The following PTCHD1 variants were observed in gnomAD, a reference collection of about 807,000 sequenced individuals.
PTCHD1 encodes patched domain-containing protein 1.
PTCHD1 carries 3 observed loss-of-function variants against 34.6 expected under a neutral mutation model. That is an observed-to-expected ratio of 0.09 (90% CI 0.04 to 0.22). The LOEUF is 0.22. Among genes scored for constraint, PTCHD1 ranks in the 10% least tolerant of loss-of-function variants. The probability of loss-of-function intolerance (pLI) is 1.00; values close to 1 mark genes in which losing one functional copy is unlikely to be tolerated. For synonymous variants in PTCHD1, 305 were observed against 283.1 expected (o/e 1.08, Z -0.77); for missense variants, 504 against 685.5 (o/e 0.74, Z 2.96).
intron 1 of PTCHD1, among the ~76,000 whole-genome samples, chrX:23,365,392 T>C (rs959843575): frequency 3.9e-4 from 43 of 111,365 alleles, no homozygotes; most frequent in Non-Finnish European, 6.8e-4. Flanking sequence ...ATGAGAATTA[T>C]TGGACATTTT....
intron 2 of PTCHD1, among the ~76,000 whole-genome samples, chrX:23,389,042 A>C (rs1349222458): frequency 8.9e-6 from 1 of 111,765 alleles, no homozygotes; most frequent in East Asian, 2.8e-4. Context: ...AAATTCTCCT[A>C]CCTGCCATTT....
In PTCHD1 at chrX:23,402,678, C is replaced by A. The variant is rs1311424182; in HGVS notation, c.*8493C>A. 1 of 112,149 alleles carries A rather than the reference C, an allele frequency of 8.9e-6. No homozygotes were observed. The highest frequency in any genetic ancestry group is 3.2e-5 in the African/African-American group (1 of 30,884). The allele number at this position is 112,149 out of a possible 1,213,427, so 9.2% of individuals were successfully genotyped here. On this transcript the variant is annotated 3_prime_UTR_variant, in exon 3 of 3. Transcript: ENST00000379361. ...ACCACCCACTATTTGTTGTGGTTTACAATCCAGCTTAGAACCCTTGAGCAA... is the reference window on the plus strand; with the variant it reads ...ACCACCCACTATTTGTTGTGGTTTAAAATCCAGCTTAGAACCCTTGAGCAA...
At chrX:23,343,557 C>T (rs752957744) in intron 1 of PTCHD1, among the ~76,000 whole-genome samples, 12 of 112,353 alleles carry the variant, frequency 1.1e-4, no homozygotes, top group Admixed American at 1.9e-4. Flanking sequence ...TTTTCCTGAC[C>T]ATAGCACCAG....
At chrX:23,357,946 A>G (rs1378598250) in intron 1 of PTCHD1, among the ~76,000 whole-genome samples, 3 of 111,184 alleles carry the variant, frequency 2.7e-5, no homozygotes, top group Non-Finnish European at 5.7e-5. Flanking sequence ...TGCTGAGAGT[A>G]ATGGTTTCCA....
chrX:23,359,196 T>C (rs1193479136), intron 1 of PTCHD1, among the ~76,000 whole-genome samples: 2 of 112,478 alleles, frequency 1.8e-5, no homozygotes, highest in Non-Finnish European at 3.8e-5. Flanking sequence ...AAGTCATTGG[T>C]AGCTTGATGG....
chrX:23,340,446 C>T (rs1921275184), intron 1 of PTCHD1, among the ~76,000 whole-genome samples: 1 of 111,955 alleles, frequency 8.9e-6, no homozygotes, highest in South Asian at 3.7e-4. Context: ...TTGACACTGG[C>T]CTTTGAGACT....
chrX:23,376,980 A>G (rs190992784), intron 1 of PTCHD1, among the ~76,000 whole-genome samples: 2 of 111,949 alleles, frequency 1.8e-5, no homozygotes, highest in African/African-American at 6.5e-5. Context: ...GCGGGTTAAC[A>G]TGGTGTCTGT....
At chrX:23,335,362 G>T in intron 1 of PTCHD1, 136 bp downstream of exon 1, 1 of 526,364 alleles carries the variant, frequency 1.9e-6, no homozygotes, top group Non-Finnish European at 3.1e-6. Context: ...TGCACCGCGC[G>T]CCCCAGGGCG....
At chrX:23,364,209 G>C (rs2146629035) in intron 1 of PTCHD1, among the ~76,000 whole-genome samples, 2 of 110,859 alleles carry the variant, frequency 1.8e-5, no homozygotes, top group East Asian at 5.7e-4. Context: ...TGGGGTTATT[G>C]ACTGGGAAAG....
chrX:23,386,949 G>A (rs752377673), intron 2 of PTCHD1, among the ~76,000 whole-genome samples: 67 of 112,326 alleles, frequency 6.0e-4, no homozygotes, highest in African/African-American at 1.9e-3. Flanking sequence ...CTGCTAGTGT[G>A]GAGAGGTTTA....
intron 1 of PTCHD1, among the ~76,000 whole-genome samples, chrX:23,366,442 C>T (rs1248275467): frequency 1.8e-5 from 2 of 112,040 alleles, no homozygotes; most frequent in East Asian, 5.6e-4. Context: ...GTTTTCCTAC[C>T]AGCCTGAATT....
chrX:23,341,421 G>C (rs1255407232), intron 1 of PTCHD1, among the ~76,000 whole-genome samples: 1 of 112,668 alleles, frequency 8.9e-6, no homozygotes, highest in Non-Finnish European at 1.9e-5. Flanking sequence ...ACAAAAGCCA[G>C]GGAAATGTGA....
chrX:23,375,712 A>G (rs1922398517), intron 1 of PTCHD1, among the ~76,000 whole-genome samples: 1 of 111,981 alleles, frequency 8.9e-6, no homozygotes. Flanking sequence ...GGCTCATCTC[A>G]GGTAAGTGAT....
At chrX:23,349,435 A>G (rs188472676) in intron 1 of PTCHD1, among the ~76,000 whole-genome samples, 1 of 112,063 alleles carries the variant, frequency 8.9e-6, no homozygotes, top group African/African-American at 3.2e-5. Context: ...TTTAAATATA[A>G]AGAGTCATAC....
At chrX:23,358,181 A>G (rs1921862412) in intron 1 of PTCHD1, among the ~76,000 whole-genome samples, 1 of 111,865 alleles carries the variant, frequency 8.9e-6, no homozygotes, top group South Asian at 3.8e-4. Flanking sequence ...CCCAGGAATG[A>G]GATCGCTGGA....
rs1020946137 is a variant in PTCHD1, at chrX:23,397,923, T to A, written c.*3738T>A. ...ATCCTATTAAAGTACCCCTGTAGCT[T>A]ATAGTAGTGTTTGACCTCTGTGACT... On this transcript the variant is annotated 3_prime_UTR_variant, in exon 3 of 3. Coordinates refer to ENST00000379361, the MANE Select transcript of PTCHD1 (RefSeq NM_173495.3). 1 of 111,904 alleles carries A rather than the reference T, an allele frequency of 8.9e-6. No individual in the cohort carries two copies. Among genetic ancestry groups the A allele is most frequent in the Non-Finnish European group, 1.9e-5 (1 of 53,219 alleles). 9.2% of individuals were successfully genotyped at this position (111,904 alleles called of 1,213,427 possible).
intron 2 of PTCHD1, among the ~76,000 whole-genome samples, chrX:23,387,152 C>A (rs772941160): frequency 8.9e-6 from 1 of 112,463 alleles, no homozygotes; most frequent in Non-Finnish European, 1.9e-5. Flanking sequence ...CAGACTGTCT[C>A]CAATAGCAAA....
In PTCHD1 at chrX:23,401,719, T is replaced by C. The variant is rs756530429; in HGVS notation, c.*7534T>C. On this transcript the variant is annotated 3_prime_UTR_variant, in exon 3 of 3. Coordinates refer to ENST00000379361, the MANE Select transcript of PTCHD1 (RefSeq NM_173495.3). ...TGCCTTGGCAGGCCCAGCCCTATAG[T>C]TCTGTAAGGTTTGGCAGGCCAAAGG... The C allele has an allele frequency of 8.8e-6, 1 of 113,061 alleles. No individual in the cohort carries two copies. The highest frequency in any genetic ancestry group is 3.6e-4 in the South Asian group (1 of 2,777). The allele number at this position is 113,061 out of a possible 1,213,427, so 9.3% of individuals were successfully genotyped here. A position where few individuals can be genotyped will look rare whatever the true frequency, so the allele number is the denominator to read the frequency against.
chrX:23,357,094 C>A (rs1921828962), intron 1 of PTCHD1, among the ~76,000 whole-genome samples: 1 of 112,223 alleles, frequency 8.9e-6, no homozygotes, highest in South Asian at 3.7e-4. Context: ...CAGACTCTTT[C>A]TACCATACCA....
Sources: gnomAD v4.1 joint callset for allele counts (sites outside exome capture counted in the v4.1 genomes callset) on GRCh38, gnomAD v4.1.1 for gene constraint, MANE v1.5 for transcripts, NCBI Gene and HGNC (gene_info 2026-07-23, HGNC 2026-07-21) for gene names.